The following RPS6KL1 variants were observed in gnomAD, a reference collection of about 807,000 sequenced individuals.
The protein encoded by RPS6KL1 is ribosomal protein S6 kinase like 1.
A neutral mutation model predicts 57.0 loss-of-function variants in RPS6KL1; 41 were observed. That is an observed-to-expected ratio of 0.72 (90% CI 0.56 to 0.93). RPS6KL1 has a LOEUF of 0.93. Ranked by LOEUF, RPS6KL1 falls within the 40% of genes least tolerant of loss-of-function variation. RPS6KL1 has a pLI of 0.00. For missense variants in RPS6KL1, 697 were observed against 727.7 expected, an observed-to-expected ratio of 0.96 and a Z score of 0.49; for synonymous variants, 287 against 309.7, an observed-to-expected ratio of 0.93 and a Z score of 0.77.
chr14:74,910,090 G>C lies in RPS6KL1; in HGVS notation c.723C>G (p.Ser241Arg), dbSNP rs144227714. ...TCATCCTCTCCTGGGTAGAGCCAGA[G>C]CTGAGCCCAGAATGTCGGGAGTGCG... ...SQAHSRHSGL[S>R]SGSTQERMKA... Residue 241 changes from serine to arginine, a missense_variant, in exon 8 of 12, where the codon AGC (serine) becomes AGG (arginine). Ser to Arg is a moderately radical substitution (Grantham distance 110, BLOSUM62 -1). Coordinates refer to ENST00000557413, the MANE Select transcript of RPS6KL1 (RefSeq NM_031464.5). The C allele has an allele frequency of 1.7e-3, 2,663 of 1,595,754 alleles. 7 individuals are homozygous for C. The highest frequency in any genetic ancestry group is 1.8e-3 in the Non-Finnish European group (2,081 of 1,170,996).
At position 74,906,514 on chromosome 14, in the gene RPS6KL1, G is replaced by A. The variant is rs765395813; in HGVS notation, c.*500C>T. On this transcript the variant is annotated 3_prime_UTR_variant, in exon 12 of 12. Transcript: ENST00000557413. ...TCCCCAGCTGCACGAACAGCTTCTG[G>A]TGGAAGAGGCCTACTCGCTGTGTGA... is the stretch of plus-strand genomic sequence containing the variant. 2.0e-6 allele frequency: 1 copy of A among 500,078 alleles called. No individual in the cohort carries two copies. Among genetic ancestry groups the A allele is most frequent in the South Asian group, 1.5e-5 (1 of 66,786 alleles). The allele number at this position is 500,078 out of a possible 1,614,324, so 31.0% of individuals were successfully genotyped here. A position where few individuals can be genotyped will look rare whatever the true frequency, so the allele number is the denominator to read the frequency against.
rs1391336184 is a variant in RPS6KL1, at chr14:74,906,403, CGGGGGT to C, written c.*605_*610del. On this transcript the variant is annotated 3_prime_UTR_variant, in exon 12 of 12. Coordinates refer to ENST00000557413, the MANE Select transcript of RPS6KL1 (RefSeq NM_031464.5). ...CAAGATAGGGGGCATGGTCAGGAAT[CGGGGGT>C]GGGGGGGTGGGGGTGGGGGTCATCC... 4.8e-6 allele frequency: 1 copy of C among 210,250 alleles called. No homozygotes were observed. Among genetic ancestry groups the C allele is most frequent in the African/African-American group, 9.8e-5 (1 of 10,240 alleles). The allele number at this position is 210,250 out of a possible 1,614,324, so 13.0% of individuals were successfully genotyped here.
rs763102716 is a variant in RPS6KL1 at position 74,920,016 on chromosome 14, G to A, written c.266-47C>T. On this transcript the variant is annotated intron_variant, in intron 3 of 11. Coordinates refer to ENST00000557413, the MANE Select transcript of RPS6KL1 (RefSeq NM_031464.5). ...AGGGTCCCCAGCCATGGCCTCGGAGGGCTGGAGTTCCAGCTCCCATTGCCT... is the reference window on the plus strand; with the variant it reads ...AGGGTCCCCAGCCATGGCCTCGGAGAGCTGGAGTTCCAGCTCCCATTGCCT... 45 of 1,612,138 alleles carry A rather than the reference G, an allele frequency of 2.8e-5. No individual in the cohort carries two copies. In the Middle Eastern group the frequency reaches 1.2e-3, roughly 41 times the overall value.
intron 6 of RPS6KL1, 80 bp from the exon 7 acceptor site, chr14:74,911,460 CA>C: frequency 6.6e-7 from 1 of 1,514,330 alleles, no homozygotes; most frequent in Non-Finnish European, 9.0e-7. Flanking sequence ...GCCCTGGCTT[CA>C]GGGGCACCCG....
At chr14:74,914,219 C>T (rs558925941) in intron 5 of RPS6KL1, among the ~76,000 whole-genome samples, 2 of 152,380 alleles carry the variant, frequency 1.3e-5, no homozygotes, top group South Asian at 4.1e-4. Flanking sequence ...CCAGCCTGGG[C>T]TTGGCTCCCT....
chr14:74,917,805 C>G (rs1271492871), intron 5 of RPS6KL1, among the ~76,000 whole-genome samples: 3 of 152,176 alleles, frequency 2.0e-5, no homozygotes, highest in African/African-American at 7.2e-5. Context: ...CGGGCCAGAA[C>G]GGGCCCTCTC....
intron 1 of RPS6KL1, among the ~76,000 whole-genome samples, chr14:74,922,937 G>A (rs1482863565): frequency 6.6e-6 from 1 of 152,212 alleles, no homozygotes; most frequent in Non-Finnish European, 1.5e-5. Context: ...GCTCGGCCAA[G>A]CCCAGGGGAA....
intron 5 of RPS6KL1, 80 bp downstream of exon 5, chr14:74,918,433 A>AT (rs2140334376): frequency 1.9e-6 from 2 of 1,036,516 alleles, no homozygotes; most frequent in East Asian, 2.8e-5. Flanking sequence ...TGCTTTCAGC[A>AT]TATCATGTCT....
rs45574531 is a variant in RPS6KL1, at chr14:74,911,864, G to A, written c.484-23C>T. On this transcript the variant is annotated intron_variant, in intron 5 of 11. Coordinates refer to ENST00000557413, the MANE Select transcript of RPS6KL1 (RefSeq NM_031464.5). ...CACCTGCCAAAGTCCAAGAGGCACT[G>A]GTTAAGGCAGGTACTAGCTCCTGGG... 6.1e-5 allele frequency: 94 copies of A among 1,550,284 alleles called. 2 individuals are homozygous for A. The South Asian group carries it at 6.3e-4, about 10-fold the overall frequency.
At position 74,910,124 on chromosome 14, in the gene RPS6KL1, A is replaced by G. The variant is rs746622851; in HGVS notation, c.689T>C (p.Leu230Pro). 4 of 1,558,970 alleles carry G rather than the reference A, an allele frequency of 2.6e-6. No homozygotes were observed. The African/African-American group carries it at 4.1e-5, about 16-fold the overall frequency. The change falls in exon 8 of 12, where the codon CTC becomes CCC. Residue 230 changes from leucine to proline, a missense_variant. Coordinates refer to ENST00000557413, the MANE Select transcript of RPS6KL1 (RefSeq NM_031464.5). ...AGAATGTCGGGAGTGCGCCTGGGAG[A>G]GCAGGTGGGACCAGAGAGTGCCTCC... ...VQGGTLWSHL[L>P]SQAHSRHSGL...
chr14:74,919,917 G>A lies in RPS6KL1; in HGVS notation c.318C>T (p.Tyr106=). 1 of 1,614,118 alleles carries A rather than the reference G, an allele frequency of 6.2e-7. No homozygotes were observed. Among genetic ancestry groups the A allele is most frequent in the African/African-American group, 1.3e-5 (1 of 75,032 alleles). ...REAVKLKITK[Y]LRRAEEIFNC... ...TGAAGATCTCCTCTGCCCGCCGCAG[G>A]TATTTGGTAATTTTCAGCTTCACAG... Residue 106 remains tyrosine (Y), a synonymous_variant, in exon 4 of 12, where the codon TAC becomes TAT. Coordinates refer to ENST00000557413, the MANE Select transcript of RPS6KL1 (RefSeq NM_031464.5).
At chr14:74,916,178 C>A (rs1014085562) in intron 5 of RPS6KL1, among the ~76,000 whole-genome samples, 2 of 152,220 alleles carry the variant, frequency 1.3e-5, no homozygotes, top group African/African-American at 2.4e-5. Flanking sequence ...TCTGTCTGGG[C>A]ACAGCTGTGG....
At chr14:74,911,727 G>A in intron 6 of RPS6KL1, 67 bp downstream of exon 6, 1 of 1,419,430 alleles carries the variant, frequency 7.0e-7, no homozygotes, top group Non-Finnish European at 9.7e-7. Flanking sequence ...TTCTGGGTAG[G>A]AGTTTCCAAG....
Position 74,909,662 on chromosome 14 carries a change from A to C in RPS6KL1, c.1151T>G (p.Val384Gly). ...GRGCGRATWS[V>G]REEQVKQWAA... ...CCACTGCTTCACCTGCTCCTCTCTC[A>C]CACTCCAGGTGGCCCTGCCACAGCC... The change falls in exon 8 of 12, where the codon GTG (valine) becomes GGG (glycine). Residue 384 changes from valine to glycine, a missense_variant. By Grantham distance (109) the Val-to-Gly change is moderately radical (BLOSUM62 -3). Coordinates refer to ENST00000557413, the MANE Select transcript of RPS6KL1 (RefSeq NM_031464.5). 6.2e-7 allele frequency: 1 copy of C among 1,610,442 alleles called. No individual in the cohort carries two copies. The highest frequency in any genetic ancestry group is 8.5e-7 in the Non-Finnish European group (1 of 1,179,890).
chr14:74,910,094 A>C lies in RPS6KL1; in HGVS notation c.719T>G (p.Leu240Arg). 2 of 1,592,684 alleles carry C rather than the reference A, an allele frequency of 1.3e-6. No homozygotes were observed. Among genetic ancestry groups the C allele is most frequent in the Non-Finnish European group, 1.7e-6 (2 of 1,169,282 alleles). Residue 240 changes from leucine (L) to arginine (R), a missense_variant, in exon 8 of 12, where the codon CTC becomes CGC. Leu to Arg is a moderately radical substitution (Grantham distance 102). Transcript: ENST00000557413. ...CCTCTCCTGGGTAGAGCCAGAGCTGAGCCCAGAATGTCGGGAGTGCGCCTG... is the reference window on the plus strand; with the variant it reads ...CCTCTCCTGGGTAGAGCCAGAGCTGCGCCCAGAATGTCGGGAGTGCGCCTG... Reference protein sequence around the residue: ...LSQAHSRHSGLSSGSTQERMK... With the variant: ...LSQAHSRHSGRSSGSTQERMK...
At position 74,909,536 on chromosome 14, in the gene RPS6KL1, C is replaced by T; in HGVS notation, c.1270+7G>A. On this transcript the variant is annotated splice_region_variant and intron_variant, in intron 8 of 11. Coordinates refer to ENST00000557413, the MANE Select transcript of RPS6KL1 (RefSeq NM_031464.5). ...CCACCCCACTGAGGGGTGAGGAGGG[C>T]ACCTACCTGCCTGGTCCAGGAGCAG... is the stretch of plus-strand genomic sequence containing the variant. 1 of 1,584,266 alleles carries T rather than the reference C, an allele frequency of 6.3e-7. No individual in the cohort carries two copies. Among genetic ancestry groups the T allele is most frequent in the Non-Finnish European group, 8.6e-7 (1 of 1,164,542 alleles).
chr14:74,904,629 T>C lies in RPS6KL1; in HGVS notation c.*2385A>G, dbSNP rs1435986204. On this transcript the variant is annotated 3_prime_UTR_variant, in exon 12 of 12. Coordinates refer to ENST00000557413, the MANE Select transcript of RPS6KL1 (RefSeq NM_031464.5). ...AATAGAGAATTTGGGGTCACCATCT[T>C]TGTGAAGCCCTTTCAAAACACCAGT... is the stretch of plus-strand genomic sequence containing the variant. 6.6e-6 allele frequency: 1 copy of C among 152,228 alleles called. No homozygotes were observed. The allele number at this position is 152,228 out of a possible 1,614,324, so 9.4% of individuals were successfully genotyped here.
Position 74,910,100 on chromosome 14 carries a change from G to C in RPS6KL1, c.713C>G (p.Ser238Cys). ...HLLSQAHSRH[S>C]GLSSGSTQER... ...CTGGGTAGAGCCAGAGCTGAGCCCAGAATGTCGGGAGTGCGCCTGGGAGAG... is the reference window on the plus strand; with the variant it reads ...CTGGGTAGAGCCAGAGCTGAGCCCACAATGTCGGGAGTGCGCCTGGGAGAG... The change falls in exon 8 of 12, where the codon TCT becomes TGT. Residue 238 changes from serine to cysteine, a missense_variant. Ser to Cys is a moderately radical substitution (Grantham distance 112, BLOSUM62 -1). Coordinates refer to ENST00000557413, the MANE Select transcript of RPS6KL1 (RefSeq NM_031464.5). 1 of 1,586,664 alleles carries C rather than the reference G, an allele frequency of 6.3e-7. No homozygotes were observed. The highest frequency in any genetic ancestry group is 8.6e-7 in the Non-Finnish European group (1 of 1,166,788).
At chr14:74,919,321 C>G (rs574619871) in intron 4 of RPS6KL1, among the ~76,000 whole-genome samples, 4 of 152,248 alleles carry the variant, frequency 2.6e-5, no homozygotes, top group Admixed American at 2.0e-4. Flanking sequence ...TGCGTGAGTA[C>G]GCGCAACCGT....
Sources: gnomAD v4.1 joint callset for allele counts (sites outside exome capture counted in the v4.1 genomes callset) on GRCh38, gnomAD v4.1.1 for gene constraint, MANE v1.5 for transcripts, NCBI Gene and HGNC (gene_info 2026-07-23, HGNC 2026-07-21) for gene names.